Variants in TANC1 observed in about 807,000 individuals in gnomAD.
The protein encoded by TANC1 is tetratricopeptide repeat, ankyrin repeat and coiled-coil containing 1, also known as protein TANC1.
Under a neutral mutation model 149.7 loss-of-function variants are expected in TANC1, and 77 were observed. The observed-to-expected ratio is 0.51, with a 90% CI of 0.43 to 0.62. The LOEUF (loss-of-function observed/expected upper bound fraction) is 0.62, where lower values mean the gene tolerates loss of function less well. TANC1 is among the 20% of genes least tolerant of loss of function. TANC1 has a pLI of 0.00. For synonymous variants in TANC1, 854 were observed against 925.0 expected (o/e 0.92, Z 1.39); for missense variants, 1,985 against 2,321.8 (o/e 0.85, Z 2.98).
chr2:158,975,738 A>G (rs573600210), intron 1 of TANC1, among the ~76,000 whole-genome samples: 48 of 151,932 alleles, frequency 3.2e-4, no homozygotes, highest in Non-Finnish European at 6.0e-4. Context: ...CCAGCCCACA[A>G]TGACTTATTT....
intron 2 of TANC1, among the ~76,000 whole-genome samples, chr2:159,038,118 T>C (rs1199488529): frequency 1.3e-5 from 2 of 152,230 alleles, no homozygotes; most frequent in African/African-American, 4.8e-5. Context: ...TTTGTAGCAA[T>C]TGTGAATGGG....
At chr2:159,050,683 C>A (rs2041400352) in intron 2 of TANC1, among the ~76,000 whole-genome samples, 1 of 152,198 alleles carries the variant, frequency 6.6e-6, no homozygotes, top group African/African-American at 2.4e-5. Context: ...GTTGTGAGGA[C>A]TAAACAGGAG....
intron 4 of TANC1, among the ~76,000 whole-genome samples, chr2:159,131,342 A>C (rs1053846391): frequency 1.6e-4 from 24 of 152,116 alleles, no homozygotes; most frequent in African/African-American, 5.8e-4. Flanking sequence ...AGGATGAGGG[A>C]GGGGAAGGGA....
At chr2:159,127,597 T>A (rs953913410) in intron 4 of TANC1, among the ~76,000 whole-genome samples, 3 of 152,212 alleles carry the variant, frequency 2.0e-5, no homozygotes, top group African/African-American at 7.2e-5. Context: ...GTAGTACATA[T>A]ACACCATAGA....
At chr2:159,096,789 G>A (rs898302005) in intron 3 of TANC1, among the ~76,000 whole-genome samples, 1 of 152,190 alleles carries the variant, frequency 6.6e-6, no homozygotes, top group African/African-American at 2.4e-5. Flanking sequence ...AGGTAACCAG[G>A]GAACAGACGT....
At position 159,134,775 on chromosome 2, in the gene TANC1, G is replaced by A. The variant is rs889140496; in HGVS notation, c.260-1419G>A. On this transcript the variant is annotated intron_variant, in intron 4 of 26. Transcript: ENST00000263635. ...TGGGATTACAGGCATGAGCCACCGCGCCTGGCCTCTTTGTTATTATTTTTG... is the reference window on the plus strand; with the variant it reads ...TGGGATTACAGGCATGAGCCACCGCACCTGGCCTCTTTGTTATTATTTTTG... Among the ~76,000 whole-genome samples the A allele has an allele frequency of 2.6e-5, 4 of 152,028 alleles. No homozygotes were observed. In the East Asian group the frequency reaches 5.8e-4, roughly 22 times the overall value.
chr2:158,979,974 T>C (rs923630656), intron 1 of TANC1, among the ~76,000 whole-genome samples: 1 of 152,228 alleles, frequency 6.6e-6, no homozygotes, highest in African/African-American at 2.4e-5. Flanking sequence ...GAAATTCTTA[T>C]TCAGGGGTTG....
rs2052491919 is a variant in TANC1 at position 159,149,169 on chromosome 2, G to A, written c.392G>A (p.Cys131Tyr). 6.2e-7 allele frequency: 1 copy of A among 1,610,056 alleles called. No individual in the cohort carries two copies. Among genetic ancestry groups the A allele is most frequent in the Non-Finnish European group, 8.5e-7 (1 of 1,177,328 alleles). The change falls in exon 6 of 27, where the codon TGT becomes TAT. Residue 131 changes from cysteine (C) to tyrosine (Y), a missense_variant. Cys to Tyr is a radical substitution (Grantham distance 194). Around this residue, in one of 3 missense-constraint regions of TANC1, gnomAD observed 557 missense variants for 612.9 expected, o/e 0.91. Coordinates refer to ENST00000263635, the MANE Select transcript of TANC1 (RefSeq NM_033394.3). ...GCAAAGGCCGATAATGAACCGAGCT[G>A]TTCGCCGGCAGCTCAAGAACTGTTG... ...HEAKADNEPS[C>Y]SPAAQELLTR...
intron 4 of TANC1, among the ~76,000 whole-genome samples, chr2:159,133,342 T>TC (rs1233166432): frequency 7.2e-6 from 1 of 139,030 alleles, no homozygotes; most frequent in Non-Finnish European, 1.6e-5. Flanking sequence ...TTGTTCTGGT[T>TC]CCTTTTTTTT....
chr2:159,029,094 G>A (rs928726366), intron 2 of TANC1, among the ~76,000 whole-genome samples: 8 of 152,196 alleles, frequency 5.3e-5, no homozygotes, highest in South Asian at 4.1e-4. Context: ...GAGTGGAATC[G>A]TGTGCTGTTT....
intron 8 of TANC1, among the ~76,000 whole-genome samples, chr2:159,168,674 T>G (rs2054867753): frequency 6.6e-6 from 1 of 152,142 alleles, no homozygotes; most frequent in Non-Finnish European, 1.5e-5. Flanking sequence ...CATAACTTAT[T>G]TTTATAATAA....
At chr2:159,214,984 G>T (rs1208444832) in intron 19 of TANC1, among the ~76,000 whole-genome samples, 1 of 152,174 alleles carries the variant, frequency 6.6e-6, no homozygotes, top group Non-Finnish European at 1.5e-5. Context: ...TCCCTGGGCT[G>T]CCATGTAAAC....
chr2:158,968,653 C>T lies in TANC1; in HGVS notation c.-255C>T, dbSNP rs1021200248. On this transcript the variant is annotated 5_prime_UTR_variant, in exon 1 of 27. Transcript: ENST00000263635. Reference sequence around the variant, plus strand: ...GGCCGGAGCGGAGGCTTTGCTGTGGCAGCTGCTGGAGCGGCGGCCGCCTCG... The same window carrying T: ...GGCCGGAGCGGAGGCTTTGCTGTGGTAGCTGCTGGAGCGGCGGCCGCCTCG... 6.6e-6 allele frequency: 1 copy of T among 152,308 alleles called. No homozygotes were observed. 9.4% of individuals were successfully genotyped at this position (152,308 alleles called of 1,614,324 possible).
intron 4 of TANC1, among the ~76,000 whole-genome samples, chr2:159,115,171 G>GGTGTGT (rs68140748): frequency 6.7e-4 from 101 of 149,716 alleles, no homozygotes; most frequent in Admixed American, 1.5e-3. Context: ...AGCTGGTAAG[G>GGTGTGT]GTGTGTGTGT....
intron 3 of TANC1, among the ~76,000 whole-genome samples, chr2:159,081,803 C>A (rs1336996213): frequency 2.0e-5 from 3 of 152,302 alleles, no homozygotes; most frequent in South Asian, 4.1e-4. Context: ...ACGGTACTGT[C>A]CCCTTCCCCC....
chr2:159,145,169 G>A (rs1250542882), intron 5 of TANC1, among the ~76,000 whole-genome samples: 6 of 152,194 alleles, frequency 3.9e-5, no homozygotes, highest in Non-Finnish European at 7.3e-5. Flanking sequence ...GGATGGTTTG[G>A]TAAGCAGAAA....
chr2:159,127,753 A>T (rs544973980), intron 4 of TANC1, among the ~76,000 whole-genome samples: 1 of 152,362 alleles, frequency 6.6e-6, no homozygotes, highest in East Asian at 1.9e-4. Context: ...TAGCTAATGT[A>T]TGTGGGGCTT....
intron 2 of TANC1, among the ~76,000 whole-genome samples, chr2:159,008,338 G>A (rs1329605727): frequency 3.3e-5 from 5 of 152,178 alleles, no homozygotes; most frequent in African/African-American, 4.8e-5. Flanking sequence ...GGAAATATGG[G>A]CTTTTGGTGT....
intron 2 of TANC1, among the ~76,000 whole-genome samples, chr2:159,010,381 A>G (rs2037630717): frequency 6.6e-6 from 1 of 152,194 alleles, no homozygotes; most frequent in Non-Finnish European, 1.5e-5. Context: ...ATAAAATAAG[A>G]ATCTGGGGTT....
Sources: gnomAD v4.1 joint callset for allele counts (sites outside exome capture counted in the v4.1 genomes callset) on GRCh38, gnomAD v4.1.1 for gene constraint, gnomAD v4.1.1 regional missense constraint, MANE v1.5 for transcripts, NCBI Gene and HGNC (gene_info 2026-07-23, HGNC 2026-07-21) for gene names.